The following TCF4 variants were observed in gnomAD, a reference collection of about 807,000 sequenced individuals.
TCF4 encodes the protein transcription factor 4, also known as SL3-3 enhancer factor 2.
In TCF4, 3 loss-of-function variants were observed where a neutral mutation model predicts 82.1. That is an observed-to-expected ratio of 0.04 (90% CI 0.02 to 0.09). TCF4 has a LOEUF of 0.09. Among genes scored for constraint, TCF4 ranks in the 10% least tolerant of loss-of-function variants. The probability of loss-of-function intolerance (pLI) is 1.00; values close to 1 mark genes in which losing one functional copy is unlikely to be tolerated. For synonymous variants in TCF4, 276 were observed against 309.6 expected (o/e 0.89, Z 1.14); for missense variants, 518 against 852.7 (o/e 0.61, Z 4.89).
chr18:55,408,923 G>A (rs1006976150), intron 5 of TCF4, among the ~76,000 whole-genome samples: 1 of 152,140 alleles, frequency 6.6e-6, no homozygotes, highest in African/African-American at 2.4e-5. Context: ...TAATGAAAGT[G>A]TCTTATAGGC....
intron 6 of TCF4, among the ~76,000 whole-genome samples, chr18:55,370,710 G>GA (rs1179473210): frequency 2.6e-5 from 4 of 151,872 alleles, no homozygotes; most frequent in Admixed American, 6.6e-5. Flanking sequence ...CTCAAAGCAT[G>GA]AAAAAAAGGA....
intron 8 of TCF4, among the ~76,000 whole-genome samples, chr18:55,349,282 A>C (rs2081846575): frequency 6.6e-6 from 1 of 152,144 alleles, no homozygotes. Flanking sequence ...TTCATTTAAT[A>C]ATTGTTTGGA....
chr18:55,275,289 A>AAAAC (rs2061275511), intron 10 of TCF4, among the ~76,000 whole-genome samples: 1 of 150,870 alleles, frequency 6.6e-6, no homozygotes, highest in African/African-American at 2.4e-5. Flanking sequence ...AAAAAAAAAA[A>AAAAC]AAAAAAAAAC....
intron 8 of TCF4, among the ~76,000 whole-genome samples, chr18:55,317,553 A>G (rs1354855789): frequency 6.6e-6 from 1 of 152,088 alleles, no homozygotes; most frequent in African/African-American, 2.4e-5. Flanking sequence ...AAAGAGCCAT[A>G]TGTAAAATGT....
chr18:55,625,506 G>C (rs1352982066), intron 2 of TCF4, among the ~76,000 whole-genome samples: 1 of 152,080 alleles, frequency 6.6e-6, no homozygotes, highest in Non-Finnish European at 1.5e-5. Flanking sequence ...CAAAGTGCTG[G>C]GATTGCAAGC....
chr18:55,356,063 A>G (rs1380416887), intron 6 of TCF4, among the ~76,000 whole-genome samples: 1 of 152,154 alleles, frequency 6.6e-6, no homozygotes, highest in Non-Finnish European at 1.5e-5. Flanking sequence ...GAGCTCTATC[A>G]TAGGGTTATC....
upstream of TCF4, among the ~76,000 whole-genome samples, chr18:55,592,343 G>A (rs1029122542): frequency 6.6e-6 from 1 of 152,076 alleles, no homozygotes; most frequent in Non-Finnish European, 1.5e-5. Flanking sequence ...TCAGGGTGCC[G>A]TCATGGTCAA....
rs2097701466 is a variant in TCF4, at chr18:55,605,533, GGAAGGAGGT to G, written c.287-18406_287-18398del. Among the ~76,000 whole-genome samples the G allele has an allele frequency of 3.9e-5, 6 of 152,266 alleles. No individual in the cohort carries two copies. The South Asian group carries it at 1.2e-3, about 32-fold the overall frequency. Reference sequence around the variant, plus strand: ...AAACTCCTGAGATATATGTTTTGGGGGAAGGAGGTGGTCTCAAGAGGCAGACATTGAACA... The same window carrying G: ...AAACTCCTGAGATATATGTTTTGGGGGGTCTCAAGAGGCAGACATTGAACA... On this transcript the variant is annotated intron_variant, in intron 2 of 20. Transcript: ENST00000398339.
intron 3 of TCF4, among the ~76,000 whole-genome samples, chr18:55,527,072 G>C (rs2096993148): frequency 6.6e-6 from 1 of 152,120 alleles, no homozygotes; most frequent in Non-Finnish European, 1.5e-5. Flanking sequence ...AAGTGTTCCT[G>C]TAAACAATAA....
intron 2 of TCF4, among the ~76,000 whole-genome samples, chr18:55,628,056 TA>T (rs1379255861): frequency 6.6e-6 from 1 of 152,024 alleles, no homozygotes; most frequent in Non-Finnish European, 1.5e-5. Flanking sequence ...CGAGACTGTC[TA>T]AAAAACAAAC....
chr18:55,371,297 T>C (rs752193915), intron 6 of TCF4, among the ~76,000 whole-genome samples: 1 of 152,142 alleles, frequency 6.6e-6, no homozygotes, highest in Non-Finnish European at 1.5e-5. Flanking sequence ...TAAAATAATC[T>C]GGATGAGGGG....
intron 3 of TCF4, among the ~76,000 whole-genome samples, chr18:55,565,355 C>A (rs2097395399): frequency 6.6e-6 from 1 of 151,284 alleles, no homozygotes; most frequent in African/African-American, 2.4e-5. Flanking sequence ...ATAAGGAAAT[C>A]TTGAAAGCAC....
intron 3 of TCF4, among the ~76,000 whole-genome samples, chr18:55,517,838 G>A (rs1437573952): frequency 6.6e-6 from 1 of 152,132 alleles, no homozygotes; most frequent in Non-Finnish European, 1.5e-5. Context: ...GCTCCAATCA[G>A]GGAAGTGTGA....
chr18:55,635,615 G>T, intron 1 of TCF4: 1 of 1,463,158 alleles, frequency 6.8e-7, no homozygotes, highest in East Asian at 2.5e-5. Context: ...AGAAACTACC[G>T]TTATGTTTGG....
chr18:55,398,891 A>G (rs917901776), intron 6 of TCF4, among the ~76,000 whole-genome samples: 1 of 152,228 alleles, frequency 6.6e-6, no homozygotes, highest in African/African-American at 2.4e-5. Context: ...AATTTTAAAA[A>G]GCACGATGAA....
At chr18:55,300,873 G>C (rs948001022) in intron 8 of TCF4, among the ~76,000 whole-genome samples, 4 of 152,084 alleles carry the variant, frequency 2.6e-5, no homozygotes, top group Non-Finnish European at 4.4e-5. Flanking sequence ...AGAGAAAGGA[G>C]GGTCCACTAG....
intron 2 of TCF4, among the ~76,000 whole-genome samples, chr18:55,622,719 C>G (rs1438080776): frequency 6.6e-6 from 1 of 152,064 alleles, no homozygotes; most frequent in Non-Finnish European, 1.5e-5. Context: ...GATTTTCCAT[C>G]CAGATGCTCT....
upstream of TCF4, chr18:55,588,266 G>C (rs901033082): frequency 2.8e-6 from 4 of 1,437,510 alleles, no homozygotes; most frequent in East Asian, 5.1e-5. Context: ...GGAGGGAAGG[G>C]GGGAGGGGGA....
intron 8 of TCF4, among the ~76,000 whole-genome samples, chr18:55,349,461 G>A (rs1190848288): frequency 6.6e-6 from 1 of 151,806 alleles, no homozygotes; most frequent in Non-Finnish European, 1.5e-5. Context: ...TTATATTAAA[G>A]TATAAAAACA....
Sources: gnomAD v4.1 joint callset for allele counts (sites outside exome capture counted in the v4.1 genomes callset) on GRCh38, gnomAD v4.1.1 for gene constraint, MANE v1.5 for transcripts, NCBI Gene and HGNC (gene_info 2026-07-23, HGNC 2026-07-21) for gene names.